SYCE3: variants seen among roughly 807,000 people sequenced by gnomAD.
SYCE3 encodes the protein testis highly expressed gene 2 protein.
SYCE3 carries 3 observed loss-of-function variants against 8.1 expected under a neutral mutation model. The ratio of observed to expected loss-of-function variants is 0.37; its 90% confidence interval spans 0.17 to 0.96. The LOEUF is 0.96. Ranked by LOEUF, SYCE3 falls within the 40% of genes least tolerant of loss-of-function variation. SYCE3 has a pLI of 0.41. For missense variants in SYCE3, 83 were observed against 110.0 expected, an observed-to-expected ratio of 0.75 and a Z score of 1.10; for synonymous variants, 36 against 38.7, an observed-to-expected ratio of 0.93 and a Z score of 0.26.
chr22:50,560,641 G>A (rs1328052028), intron 1 of SYCE3, among the ~76,000 whole-genome samples: 1 of 152,152 alleles, frequency 6.6e-6, no homozygotes, highest in African/African-American at 2.4e-5. Flanking sequence ...AAAACAGGAG[G>A]TAACTAGAAG....
intron 1 of SYCE3, among the ~76,000 whole-genome samples, chr22:50,560,367 G>C (rs6010008): frequency 0.06 from 9,152 of 152,094 alleles, 364 homozygotes; most frequent in South Asian, 0.14. Context: ...CGCACCTCCA[G>C]TCCTAGTTAC....
At chr22:50,561,518 C>T (rs1214508124) in intron 1 of SYCE3, among the ~76,000 whole-genome samples, 1 of 23,994 alleles carries the variant, frequency 4.2e-5, no homozygotes, top group Non-Finnish European at 8.2e-5. Flanking sequence ...AAGTGTGGGG[C>T]GGGAGGAGCG....
chr22:50,557,880 A>G (rs2069876426), intron 1 of SYCE3, among the ~76,000 whole-genome samples: 1 of 152,096 alleles, frequency 6.6e-6, no homozygotes, highest in Admixed American at 6.6e-5. Flanking sequence ...TCTTTACTTC[A>G]GAGTTAAGGG....
At chr22:50,562,612 G>T (rs1603443010) in intron 1 of SYCE3, among the ~76,000 whole-genome samples, 1 of 101,272 alleles carries the variant, frequency 9.9e-6, no homozygotes, top group African/African-American at 4.6e-5. Context: ...GAGGGGCGAG[G>T]CTGGGTGAGG....
chr22:50,551,281 C>T lies in SYCE3; in HGVS notation c.231G>A (p.Trp77Ter). 1.9e-6 allele frequency: 3 copies of T among 1,551,412 alleles called. No individual in the cohort carries two copies. In the South Asian group the frequency reaches 3.6e-5, roughly 18 times the overall value. ...GCTTGGTCTCATGCAGCAGCTCTTG[C>T]CAGTTCTTCTCCATCTCCTCCTTGC... is the stretch of plus-strand genomic sequence containing the variant. ...VNCKEEMEKN[W>*]QELLHETKQR... The change falls in exon 3 of 3, where the codon TGG (tryptophan) becomes TGA (stop). Residue 77 changes from tryptophan to a stop codon, truncating the protein, a stop_gained. Transcript: ENST00000406915. LOFTEE classifies it high-confidence loss of function.
chr22:50,552,729 T>C lies in SYCE3; in HGVS notation c.110-1327A>G, dbSNP rs148746288. Among the ~76,000 whole-genome samples, 619 of 152,298 alleles carry C rather than the reference T, an allele frequency of 4.1e-3. 4 individuals carry two copies. Among genetic ancestry groups the C allele is most frequent in the South Asian group, 0.035 (169 of 4,828 alleles). On this transcript the variant is annotated intron_variant, in intron 2 of 2. Transcript: ENST00000406915. Reference sequence around the variant, plus strand: ...ATGGACTGAATGTGTCCCTCCCACATTCACCTGTTGAAATCCTAACCCCCG... The same window carrying C: ...ATGGACTGAATGTGTCCCTCCCACACTCACCTGTTGAAATCCTAACCCCCG...
chr22:50,555,017 G>C (rs2069845828), intron 2 of SYCE3, among the ~76,000 whole-genome samples: 1 of 151,614 alleles, frequency 6.6e-6, no homozygotes, highest in Non-Finnish European at 1.5e-5. Flanking sequence ...AGCTACTCGG[G>C]AGGCTGAGGC....
In SYCE3 at chr22:50,559,801, G is replaced by A. The variant is rs149138334; in HGVS notation, c.-1+3057C>T. Among the ~76,000 whole-genome samples, 772 of 152,188 alleles carry A rather than the reference G, an allele frequency of 5.1e-3. 2 individuals are homozygous for A. Among genetic ancestry groups the A allele is most frequent in the Non-Finnish European group, 7.9e-3 (540 of 68,014 alleles). On this transcript the variant is annotated intron_variant, in intron 1 of 2. Transcript: ENST00000406915. Reference sequence around the variant, plus strand: ...AAATTAGCTGGGCATGGTGACGGGCGCCTGTAGTCCCAGCTACTCAGGAGG... The same window carrying A: ...AAATTAGCTGGGCATGGTGACGGGCACCTGTAGTCCCAGCTACTCAGGAGG...
chr22:50,555,100 C>T (rs919123705), intron 2 of SYCE3, among the ~76,000 whole-genome samples: 3 of 43,606 alleles, frequency 6.9e-5, no homozygotes, highest in African/African-American at 1.4e-4. Flanking sequence ...CCAGCCTGGG[C>T]GACAGAGCGA....
chr22:50,553,202 A>AAAATAAATAAAT (rs368358510), intron 2 of SYCE3, among the ~76,000 whole-genome samples: 5,647 of 151,508 alleles, frequency 0.037, 200 homozygotes, highest in African/African-American at 0.083. Flanking sequence ...ACCCTGTCTC[A>AAAATAAATAAAT]AAATAAATAA....
chr22:50,556,310 C>T lies in SYCE3; in HGVS notation c.96G>A (p.Met32Ile). 6.4e-7 allele frequency: 1 copy of T among 1,550,800 alleles called. No homozygotes were observed. Among genetic ancestry groups the T allele is most frequent in the Non-Finnish European group, 8.7e-7 (1 of 1,146,222 alleles). Residue 32 changes from methionine (M) to isoleucine (I), a missense_variant, in exon 2 of 3, where the codon ATG becomes ATA. Physicochemically the swap from Met to Ile is conservative, Grantham distance 10. Transcript: ENST00000406915. ...CACACATCCTACCTGAGATTTTCTCCATCTCTTCTAATAGCTTTTCCAAGT... is the reference window on the plus strand; with the variant it reads ...CACACATCCTACCTGAGATTTTCTCTATCTCTTCTAATAGCTTTTCCAAGT... ...NKDLEKLLEE[M>I]EKISVQATWM...
rs1217186979 is a variant in SYCE3 at position 50,556,465 on chromosome 22, A to G, written c.1-60T>C. Reference sequence around the variant, plus strand: ...AGACCTACATTTCAAATCCAGCTCCACTGGTTATAACTCAGTGATTTCTCT... The same window carrying G: ...AGACCTACATTTCAAATCCAGCTCCGCTGGTTATAACTCAGTGATTTCTCT... On this transcript the variant is annotated intron_variant, in intron 1 of 2. Coordinates refer to ENST00000406915, the MANE Select transcript of SYCE3 (RefSeq NM_001123225.3). The G allele has an allele frequency of 4.4e-6, 5 of 1,139,688 alleles. No homozygotes were observed. The Admixed American group carries it at 1.1e-4, about 25-fold the overall frequency. 70.6% of individuals were successfully genotyped at this position (1,139,688 alleles called of 1,614,324 possible). A position where few individuals can be genotyped will look rare whatever the true frequency, so the allele number is the denominator to read the frequency against.
intron 2 of SYCE3, among the ~76,000 whole-genome samples, chr22:50,552,984 G>C (rs1051078396): frequency 6.6e-6 from 1 of 152,174 alleles, no homozygotes; most frequent in African/African-American, 2.4e-5. Flanking sequence ...GATCACTTGA[G>C]CTCAGAAGTT....
chr22:50,551,888 T>C (rs2069813332), intron 2 of SYCE3, among the ~76,000 whole-genome samples: 1 of 152,184 alleles, frequency 6.6e-6, no homozygotes, highest in Non-Finnish European at 1.5e-5. Context: ...GGCACCTCTA[T>C]GCTTTCGTTG....
intron 1 of SYCE3, among the ~76,000 whole-genome samples, chr22:50,559,520 C>T (rs933969527): frequency 6.6e-6 from 1 of 152,188 alleles, no homozygotes; most frequent in African/African-American, 2.4e-5. Context: ...AAGGATCACT[C>T]TGGCTTCTGT....
chr22:50,551,566 C>T (rs1039607918), intron 2 of SYCE3, among the ~76,000 whole-genome samples, 164 bp from the exon 3 acceptor site: 2 of 152,220 alleles, frequency 1.3e-5, no homozygotes, highest in Non-Finnish European at 2.9e-5. Context: ...CTACTTGTTA[C>T]AGGCTCATAA....
intron 1 of SYCE3, among the ~76,000 whole-genome samples, chr22:50,557,156 A>AG (rs1219124244): frequency 1.0e-4 from 12 of 116,370 alleles, no homozygotes; most frequent in African/African-American, 1.6e-4. Flanking sequence ...AATTTTTTTG[A>AG]GTTTTTTTTT....
Position 50,560,560 on chromosome 22 carries a change from T to C in SYCE3, c.-1+2298A>G, listed in dbSNP as rs568155407. On this transcript the variant is annotated intron_variant, in intron 1 of 2. Transcript: ENST00000406915. ...GAGCCATAAAAGTAAAAATATTTCA[T>C]GAATTAAATAATTAATGGATCATTA... Among the ~76,000 whole-genome samples, 8 of 151,998 alleles carry C rather than the reference T, an allele frequency of 5.3e-5. No homozygotes were observed. The East Asian group carries it at 1.3e-3, about 26-fold the overall frequency.
chr22:50,551,212 G>A lies in SYCE3; in HGVS notation c.*33C>T. On this transcript the variant is annotated 3_prime_UTR_variant, in exon 3 of 3. Coordinates refer to ENST00000406915, the MANE Select transcript of SYCE3 (RefSeq NM_001123225.3). ...CAGTGACCTCTTCATACGGGCAGAG[G>A]GTGGCATGGCAGCTGTGGTGGGCCA... The A allele has an allele frequency of 6.5e-7, 1 of 1,548,316 alleles. No individual in the cohort carries two copies. The highest frequency in any genetic ancestry group is 8.7e-7 in the Non-Finnish European group (1 of 1,144,850).
Sources: gnomAD v4.1 joint callset for allele counts (sites outside exome capture counted in the v4.1 genomes callset) on GRCh38, gnomAD v4.1.1 for gene constraint, MANE v1.5 for transcripts, NCBI Gene and HGNC (gene_info 2026-07-23, HGNC 2026-07-21) for gene names.